The following ZNF385D variants were observed in gnomAD, a reference collection of about 807,000 sequenced individuals.
The protein encoded by ZNF385D is zinc finger protein 659.
Under a neutral mutation model 35.8 loss-of-function variants are expected in ZNF385D, and 15 were observed. The observed-to-expected ratio is 0.42, with a 90% confidence interval of 0.28 to 0.64. ZNF385D has a LOEUF of 0.64. ZNF385D is among the 30% of genes least tolerant of loss of function. ZNF385D has a pLI of 0.23. For missense variants in ZNF385D, 474 were observed against 494.6 expected (o/e 0.96, Z 0.39); for synonymous variants, 212 against 186.8 (o/e 1.13, Z -1.10).
chr3:22,322,341 G>A (rs941303865), intron 2 of ZNF385D, among the ~76,000 whole-genome samples: 4 of 151,530 alleles, frequency 2.6e-5, no homozygotes, highest in African/African-American at 7.3e-5. Context: ...GTCTACATAG[G>A]GAAATATCTT....
At chr3:21,977,883 T>C (rs1703734943) in intron 3 of ZNF385D, among the ~76,000 whole-genome samples, 1 of 152,030 alleles carries the variant, frequency 6.6e-6, no homozygotes, top group South Asian at 2.1e-4. Flanking sequence ...AATAGCTCTG[T>C]ACATCTTTGG....
intron 3 of ZNF385D, among the ~76,000 whole-genome samples, chr3:22,063,026 G>A (rs1699766847): frequency 6.6e-6 from 1 of 151,926 alleles, no homozygotes; most frequent in South Asian, 2.1e-4. Flanking sequence ...AAATTACACG[G>A]GATAATTTTT....
chr3:22,331,880 T>C (rs1694951546), intron 2 of ZNF385D, among the ~76,000 whole-genome samples: 1 of 152,218 alleles, frequency 6.6e-6, no homozygotes, highest in Non-Finnish European at 1.5e-5. Context: ...ATTTCTATAG[T>C]AACTTTCAAA....
At chr3:21,453,072 A>G (rs572324892) in intron 4 of ZNF385D, among the ~76,000 whole-genome samples, 20 of 151,960 alleles carry the variant, frequency 1.3e-4, no homozygotes, top group African/African-American at 4.6e-4. Flanking sequence ...CCATACATTT[A>G]TGGCCAATTT....
intron 4 of ZNF385D, among the ~76,000 whole-genome samples, chr3:21,470,973 T>C (rs1438171617): frequency 6.6e-6 from 1 of 152,110 alleles, no homozygotes; most frequent in East Asian, 1.9e-4. Context: ...TCATATTCTA[T>C]TTTCAATACT....
intron 3 of ZNF385D, among the ~76,000 whole-genome samples, chr3:21,520,330 A>C (rs925804154): frequency 2.6e-5 from 4 of 152,214 alleles, no homozygotes; most frequent in African/African-American, 9.6e-5. Context: ...GATATTACTC[A>C]TCATCCTGTC....
intron 2 of ZNF385D, among the ~76,000 whole-genome samples, chr3:21,626,120 G>A (rs1339452844): frequency 1.3e-5 from 2 of 152,002 alleles, no homozygotes; most frequent in African/African-American, 2.4e-5. Context: ...TTCAACACCA[G>A]GTCTGCCAAG....
intron 2 of ZNF385D, among the ~76,000 whole-genome samples, chr3:21,652,739 C>T (rs923905499): frequency 1.3e-5 from 2 of 151,526 alleles, no homozygotes; most frequent in African/African-American, 4.9e-5. Flanking sequence ...GTTTTTAGTC[C>T]TTGCGATAGT....
chr3:21,982,778 G>C (rs1174106098), intron 3 of ZNF385D, among the ~76,000 whole-genome samples: 3 of 151,660 alleles, frequency 2.0e-5, no homozygotes, highest in African/African-American at 7.3e-5. Context: ...AGTTTATTTA[G>C]AGTTGTTAAC....
intron 1 of ZNF385D, among the ~76,000 whole-genome samples, chr3:21,679,060 C>T (rs930194171): frequency 4.0e-5 from 6 of 150,384 alleles, no homozygotes; most frequent in African/African-American, 1.2e-4. Flanking sequence ...TTGCAAACTT[C>T]TACAGAATAT....
chr3:21,659,074 A>T (rs1323519040), intron 2 of ZNF385D, among the ~76,000 whole-genome samples: 1 of 151,302 alleles, frequency 6.6e-6, no homozygotes, highest in Non-Finnish European at 1.5e-5. Context: ...CCTCCTCCTC[A>T]CTATCCTGCT....
intron 3 of ZNF385D, among the ~76,000 whole-genome samples, chr3:21,528,597 G>C (rs2061841712): frequency 6.6e-6 from 1 of 152,160 alleles, no homozygotes; most frequent in Non-Finnish European, 1.5e-5. Flanking sequence ...ACATGAAAGA[G>C]GTGTGGTGGA....
At chr3:21,594,068 C>T (rs1192627762) in intron 2 of ZNF385D, among the ~76,000 whole-genome samples, 4 of 152,122 alleles carry the variant, frequency 2.6e-5, no homozygotes, top group East Asian at 1.9e-4. Context: ...CCCACAAGAA[C>T]ACAGGGAATG....
intron 2 of ZNF385D, among the ~76,000 whole-genome samples, chr3:22,252,354 C>G (rs1700103959): frequency 6.6e-6 from 1 of 151,770 alleles, no homozygotes; most frequent in Non-Finnish European, 1.5e-5. Context: ...GAGTAAGTAT[C>G]GATTGTTGTG....
intron 3 of ZNF385D, among the ~76,000 whole-genome samples, chr3:21,794,030 T>C (rs957856119): frequency 1.3e-5 from 2 of 152,096 alleles, no homozygotes; most frequent in Non-Finnish European, 2.9e-5. Flanking sequence ...GGACATAAGA[T>C]GGAAGAAGAT....
At chr3:21,543,394 C>T (rs1376330247) in intron 3 of ZNF385D, among the ~76,000 whole-genome samples, 1 of 152,078 alleles carries the variant, frequency 6.6e-6, no homozygotes, top group Non-Finnish European at 1.5e-5. Context: ...CACCCCTTGT[C>T]GCTCCTGGGG....
rs188384753 is a variant in ZNF385D at position 21,618,154 on chromosome 3, T to C, written c.165+46732A>G. Among the ~76,000 whole-genome samples the C allele has an allele frequency of 3.3e-3, 496 of 152,312 alleles. 5 individuals carry two copies. The highest frequency in any genetic ancestry group is 0.011 in the African/African-American group (463 of 41,574). On this transcript the variant is annotated intron_variant, in intron 2 of 7. Transcript: ENST00000281523. ...TTACTTTATTTGTAAAAAGGGTCTT[T>C]GTGATATAATTAGTGATGCTGAGAG...
intron 2 of ZNF385D, among the ~76,000 whole-genome samples, chr3:22,170,850 T>C (rs1694366505): frequency 1.3e-5 from 2 of 152,172 alleles, no homozygotes; most frequent in African/African-American, 4.8e-5. Context: ...ATTAAGTAAA[T>C]GATGGTGTGC....
At chr3:21,440,170 T>C (rs1415969164) in intron 4 of ZNF385D, among the ~76,000 whole-genome samples, 2 of 152,092 alleles carry the variant, frequency 1.3e-5, no homozygotes, top group African/African-American at 2.4e-5. Flanking sequence ...TTCTATACAA[T>C]GCATACATAT....
Sources: gnomAD v4.1 joint callset for allele counts (sites outside exome capture counted in the v4.1 genomes callset) on GRCh38, gnomAD v4.1.1 for gene constraint, MANE v1.5 for transcripts, NCBI Gene and HGNC (gene_info 2026-07-23, HGNC 2026-07-21) for gene names.